ANKRD26: variants seen among roughly 807,000 people sequenced by gnomAD.
ANKRD26 encodes the protein ankyrin repeat domain 26, also known as ankyrin repeat domain-containing protein 26.
A neutral mutation model predicts 208.7 loss-of-function variants in ANKRD26; 141 were observed. That is an observed-to-expected ratio of 0.68 (90% confidence interval 0.59 to 0.78). ANKRD26 has a LOEUF of 0.78. ANKRD26 is among the 30% of genes least tolerant of loss of function. The pLI is 0.00. For synonymous variants in ANKRD26, 636 were observed against 660.4 expected (o/e 0.96, Z 0.57); for missense variants, 1,889 against 1,938.7 (o/e 0.97, Z 0.48).
At position 27,013,004 on chromosome 10, in the gene ANKRD26, A is replaced by C. The variant is rs1267753506; in HGVS notation, c.4831T>G (p.Cys1611Gly). Residue 1611 changes from cysteine (C) to glycine (G), a missense_variant, in exon 32 of 34, where the codon TGT becomes GGT. Physicochemically the swap from Cys to Gly is radical, Grantham distance 159. This residue lies in a region of ANKRD26 where 613 missense variants were observed against 648.2 expected (regional missense o/e 0.95). Coordinates refer to ENST00000376087, the MANE Select transcript of ANKRD26 (RefSeq NM_014915.3). ...LTTRPVMEPP[C>G]VGNLNNSLDL... is the part of the protein sequence containing the mutation. ...AAACTATTATTAAGATTTCCCACAC[A>C]AGGTGGCTCCATGACTGGCCTGGTA... 6 of 1,614,048 alleles carry C rather than the reference A, an allele frequency of 3.7e-6. No homozygotes were observed. Among genetic ancestry groups the C allele is most frequent in the Non-Finnish European group, 5.1e-6 (6 of 1,179,946 alleles).
the ANKRD26 span, among the ~76,000 whole-genome samples, chr10:26,962,208 T>A: frequency 6.6e-6 from 1 of 151,946 alleles, no homozygotes; most frequent in Non-Finnish European, 1.5e-5. Flanking sequence ...GACGGGAGGA[T>A]CTCTTGAGCC....
At chr10:27,049,013 T>C in intron 16 of ANKRD26, 34 bp from the exon 17 acceptor site, 1 of 1,506,138 alleles carries the variant, frequency 6.6e-7, no homozygotes, top group Non-Finnish European at 9.1e-7. Context: ...GGAATTGCTA[T>C]TACTTTATTC....
In ANKRD26 at chr10:27,061,189, T is replaced by C. The variant is rs774535114; in HGVS notation, c.1417A>G (p.Lys473Glu). ...CCTACATTTCTTGTATCCTCTAGTT[T>C]AGCCATCTTAAAGTTTCTTGATCCA... ...MSGSRNFKMA[K>E]LEDTRNVGMP... The change falls in exon 13 of 34, where the codon AAA (lysine) becomes GAA (glutamate). Residue 473 changes from lysine to glutamate, a missense_variant. This residue lies in a region of ANKRD26 where 1,272 missense variants were observed against 1,273.8 expected (regional missense o/e 1.00). Transcript: ENST00000376087. 9.3e-6 allele frequency: 15 copies of C among 1,612,748 alleles called. No homozygotes were observed. The highest frequency in any genetic ancestry group is 2.7e-5 in the African/African-American group (2 of 74,906).
At chr10:27,041,391 C>T (rs1461136177) in intron 20 of ANKRD26, among the ~76,000 whole-genome samples, 1 of 152,108 alleles carries the variant, frequency 6.6e-6, no homozygotes, top group Non-Finnish European at 1.5e-5. Context: ...GGTGCTTCCA[C>T]AGCACCAGGA....
At chr10:26,959,289 AAAAG>A in the ANKRD26 span, among the ~76,000 whole-genome samples, 3 of 151,908 alleles carry the variant, frequency 2.0e-5, no homozygotes, top group Non-Finnish European at 2.9e-5. Flanking sequence ...AAAAAAAAAA[AAAAG>A]AAAGAAAGAA....
exon 5 of ANKRD26, among the ~76,000 whole-genome samples, chr10:26,980,734 G>A (rs2052294919): frequency 1.3e-5 from 2 of 152,188 alleles, no homozygotes; most frequent in African/African-American, 4.8e-5. Context: ...CTTCTGTTGA[G>A]TGAGTAGCAG....
chr10:26,975,227 TC>T (rs1439905362), exon 6 of ANKRD26, among the ~76,000 whole-genome samples: 3 of 152,020 alleles, frequency 2.0e-5, no homozygotes. Context: ...ACACACAGTT[TC>T]TTTTTTTATT....
intron 27 of ANKRD26, among the ~76,000 whole-genome samples, chr10:27,027,561 T>C (rs187286336): frequency 4.7e-4 from 72 of 152,318 alleles, no homozygotes; most frequent in Middle Eastern, 3.4e-3. Context: ...AAAACACTGT[T>C]TTTAGTCTAT....
intron 14 of ANKRD26, 21 bp downstream of exon 14, chr10:27,060,491 T>C (rs1589305210): frequency 6.4e-7 from 1 of 1,559,966 alleles, no homozygotes; most frequent in East Asian, 2.3e-5. Flanking sequence ...TAATTCAAGA[T>C]AAAAATATAA....
intron 33 of ANKRD26, 103 bp from the exon 34 acceptor site, chr10:27,005,826 A>G: frequency 7.1e-7 from 1 of 1,406,590 alleles, no homozygotes; most frequent in South Asian, 1.5e-5. Flanking sequence ...TATTAATAAG[A>G]AAGAAAAATA....
intron 28 of ANKRD26, among the ~76,000 whole-genome samples, chr10:27,023,349 A>G (rs926549614): frequency 7.9e-5 from 12 of 152,002 alleles, no homozygotes; most frequent in Non-Finnish European, 1.3e-4. Context: ...AAAAAAAAAA[A>G]GAAAAGAAAA....
intron 29 of ANKRD26, among the ~76,000 whole-genome samples, chr10:27,018,356 A>G (rs7897003): frequency 0.88 from 132,962 of 151,688 alleles, 58,643 homozygotes; most frequent in East Asian, 1. Flanking sequence ...GGATGGTCTC[A>G]ATCTCCTGAC....
the ANKRD26 span, among the ~76,000 whole-genome samples, chr10:26,951,019 C>CTTTTTTTTTTTTTTTTTTTTTTTTTTTT: frequency 4.9e-4 from 24 of 48,574 alleles, no homozygotes; most frequent in Non-Finnish European, 8.2e-4. Context: ...TTTTCTTTTT[C>CTTTTTTTTTTTTTTTTTTTTTTTTTTTT]TTTTTTTTTT....
chr10:27,024,539 T>G lies in ANKRD26; in HGVS notation c.3993A>C (p.Gln1331His). 1 of 1,572,740 alleles carries G rather than the reference T, an allele frequency of 6.4e-7. No individual in the cohort carries two copies. Among genetic ancestry groups the G allele is most frequent in the African/African-American group, 1.3e-5 (1 of 74,154 alleles). Residue 1331 changes from glutamine to histidine, a missense_variant, in exon 28 of 34, where the codon CAA (glutamine) becomes CAC (histidine). Physicochemically the swap from Gln to His is conservative, Grantham distance 24. Transcript: ENST00000376087. ...NANLSEDEKEQLKKLMELKQS... is the reference protein window; with the variant it reads ...NANLSEDEKEHLKKLMELKQS... ...GTTTTAATTCCATAAGTTTCTTTAA[T>G]TGTTCCTTTTCATCTTCAGACTTTG... is the stretch of plus-strand genomic sequence containing the variant.
rs138730244 is a variant in ANKRD26 at position 27,091,839 on chromosome 10, T to G, written c.638+567A>C. ...CCATCTCTACTAAAAATACAAAAATTAGTCAGGTGTGGTGGTGTGCACCAG... is the reference window on the plus strand; with the variant it reads ...CCATCTCTACTAAAAATACAAAAATGAGTCAGGTGTGGTGGTGTGCACCAG... On this transcript the variant is annotated intron_variant, in intron 4 of 33. Coordinates refer to ENST00000376087, the MANE Select transcript of ANKRD26 (RefSeq NM_014915.3). Among the ~76,000 whole-genome samples, 895 of 151,978 alleles carry G rather than the reference T, an allele frequency of 5.9e-3. 36 individuals carry two copies. The East Asian group carries it at 0.11, about 19-fold the overall frequency.
In ANKRD26 at chr10:27,100,082, T is replaced by C. The variant is rs1438423664; in HGVS notation, c.242+3A>G. On this transcript the variant is annotated splice_donor_region_variant and intron_variant, in intron 1 of 33. Coordinates refer to ENST00000376087, the MANE Select transcript of ANKRD26 (RefSeq NM_014915.3). The stretch of plus-strand genomic sequence containing the variant: ...CTCAGTCCGGGCTTGCGACGCCTAT[T>C]ACCTGTTCATCTTGTCTCTATCGTT... 1 of 1,613,792 alleles carries C rather than the reference T, an allele frequency of 6.2e-7. No homozygotes were observed. Among genetic ancestry groups the C allele is most frequent in the Non-Finnish European group, 8.5e-7 (1 of 1,179,944 alleles).
rs144897149 is a variant in ANKRD26, at chr10:27,091,549, C to T, written c.638+857G>A. On this transcript the variant is annotated intron_variant, in intron 4 of 33. Coordinates refer to ENST00000376087, the MANE Select transcript of ANKRD26 (RefSeq NM_014915.3). ...AATCACCTAGGGATAACCTAACATC[C>T]GTACTCTTCAAAGAAAGCAACTTAA... Among the ~76,000 whole-genome samples the T allele has an allele frequency of 1.7e-4, 26 of 152,218 alleles. No individual in the cohort carries two copies. The East Asian group carries it at 4.6e-3, about 27-fold the overall frequency.
At position 27,006,823 on chromosome 10, in the gene ANKRD26, C is replaced by T; in HGVS notation, c.4999+94G>A. The T allele has an allele frequency of 4.1e-6, 4 of 978,812 alleles. No individual in the cohort carries two copies. In the South Asian group the frequency reaches 5.2e-5, roughly 13 times the overall value. 60.6% of individuals were successfully genotyped at this position (978,812 alleles called of 1,614,324 possible). On this transcript the variant is annotated intron_variant, in intron 33 of 33. Transcript: ENST00000376087. ...AACATTTAATGTAGTATCTATTAGC[C>T]AAACAATGGAAAGGGATCCCACTCA...
At chr10:27,012,818 A>G (rs539678467) in intron 32 of ANKRD26, 64 bp downstream of exon 32, 1 of 1,519,512 alleles carries the variant, frequency 6.6e-7, no homozygotes, top group African/African-American at 1.4e-5. Context: ...TCTCAAAAAA[A>G]CAAACAAAAA....
Sources: allele counts gnomAD v4.1 joint callset (sites outside exome capture counted in the v4.1 genomes callset), GRCh38; gene constraint gnomAD v4.1.1; regional missense constraint gnomAD v4.1.1; transcripts MANE v1.5; gene names NCBI Gene and HGNC (gene_info 2026-07-23, HGNC 2026-07-21).